The following C11orf97 variants were observed in gnomAD, a reference collection of about 807,000 sequenced individuals.
C11orf97 encodes the protein uncharacterized protein C11orf97.
In C11orf97, 15 loss-of-function variants were observed where a neutral mutation model predicts 16.2. That is an observed-to-expected ratio of 0.93 (90% CI 0.62 to 1.43). The LOEUF (loss-of-function observed/expected upper bound fraction) is 1.43, where lower values mean the gene tolerates loss of function less well. Ranked by LOEUF, C11orf97 falls within the 40% of genes most tolerant of loss-of-function variation. C11orf97 has a pLI of 0.00. For synonymous variants in C11orf97, 61 were observed against 65.7 expected (o/e 0.93, Z 0.34); for missense variants, 171 against 161.2 (o/e 1.06, Z -0.33).
intron 2 of C11orf97, among the ~76,000 whole-genome samples, chr11:94,519,810 AAGCC>A (rs1947643594): frequency 6.6e-6 from 1 of 152,262 alleles, no homozygotes; most frequent in African/African-American, 2.4e-5. Flanking sequence ...TCATGGCTAG[AAGCC>A]ACATACCATT....
chr11:94,519,280 G>A (rs1287421517), intron 2 of C11orf97, among the ~76,000 whole-genome samples: 1 of 152,186 alleles, frequency 6.6e-6, no homozygotes, highest in Non-Finnish European at 1.5e-5. Flanking sequence ...TATAAAAGGA[G>A]AGACCAATAA....
intron 2 of C11orf97, among the ~76,000 whole-genome samples, chr11:94,522,000 C>T (rs1434650606): frequency 1.3e-5 from 2 of 152,202 alleles, no homozygotes; most frequent in Non-Finnish European, 2.9e-5. Flanking sequence ...TCTCGCTCTA[C>T]TTCTTTCTCA....
At chr11:94,519,405 T>G (rs1193575784) in intron 2 of C11orf97, among the ~76,000 whole-genome samples, 1 of 151,696 alleles carries the variant, frequency 6.6e-6, no homozygotes, top group Non-Finnish European at 1.5e-5. Flanking sequence ...CCCGCCTACA[T>G]GTACTATTTT....
intron 1 of C11orf97, among the ~76,000 whole-genome samples, chr11:94,514,232 A>C (rs1565251387): frequency 7.1e-6 from 1 of 141,786 alleles, no homozygotes; most frequent in Non-Finnish European, 1.6e-5. Context: ...TAACATATTG[A>C]GTCTTTATTA....
intron 3 of C11orf97, among the ~76,000 whole-genome samples, chr11:94,529,763 A>C (rs916243768): frequency 6.6e-6 from 1 of 152,210 alleles, no homozygotes; most frequent in Non-Finnish European, 1.5e-5. Flanking sequence ...GTTGCGGTTA[A>C]ATAGGTACAA....
intron 3 of C11orf97, among the ~76,000 whole-genome samples, chr11:94,529,448 A>G (rs986913165): frequency 1.1e-4 from 16 of 152,236 alleles, no homozygotes; most frequent in Middle Eastern, 3.2e-3. Context: ...TTTAATGATA[A>G]TAAAGTAGTA....
chr11:94,520,969 C>A (rs992585373), intron 2 of C11orf97, among the ~76,000 whole-genome samples: 13 of 152,160 alleles, frequency 8.5e-5, no homozygotes, highest in African/African-American at 2.7e-4. Context: ...CTGATCTCAT[C>A]TCCTATACTT....
chr11:94,522,786 G>A (rs1315117604), intron 2 of C11orf97, among the ~76,000 whole-genome samples: 1 of 152,048 alleles, frequency 6.6e-6, no homozygotes, highest in African/African-American at 2.4e-5. Context: ...TATTTGCCCC[G>A]CAGTATATTT....
rs1423022303 is a variant in C11orf97 at position 94,512,473 on chromosome 11, C to G, written c.-56C>G. 1 of 1,257,950 alleles carries G rather than the reference C, an allele frequency of 7.9e-7. No individual in the cohort carries two copies. Among genetic ancestry groups the G allele is most frequent in the Admixed American group, 4.2e-5 (1 of 24,010 alleles). 77.9% of individuals were successfully genotyped at this position (1,257,950 alleles called of 1,614,324 possible). A position where few individuals can be genotyped will look rare whatever the true frequency, so the allele number is the denominator to read the frequency against. Reference sequence around the variant, plus strand: ...CGAGACGCCTCGCATGCTGGGCTGCCTGCGACTGAGCTGAGAAGGAAACCG... The same window carrying G: ...CGAGACGCCTCGCATGCTGGGCTGCGTGCGACTGAGCTGAGAAGGAAACCG... On this transcript the variant is annotated 5_prime_UTR_variant, in exon 1 of 4. Transcript: ENST00000542198.
In C11orf97 at chr11:94,517,637, A is replaced by T; in HGVS notation, c.200A>T (p.Glu67Val). ...AAGAGAATTAAGGAAGTACTGGAAG[A>T]AGAACGTCATATTAAGAGAGATGAA... ...PHKRIKEVLEEERHIKRDECH... is the reference protein window; with the variant it reads ...PHKRIKEVLEVERHIKRDECH... Residue 67 changes from glutamate to valine, a missense_variant, in exon 2 of 4, where the codon GAA becomes GTA. Physicochemically the swap from Glu to Val is moderately radical, Grantham distance 121. Transcript: ENST00000542198. The T allele has an allele frequency of 1.3e-6, 2 of 1,533,534 alleles. No homozygotes were observed. Among genetic ancestry groups the T allele is most frequent in the African/African-American group, 2.7e-5 (2 of 73,082 alleles). 95.0% of individuals were successfully genotyped at this position (1,533,534 alleles called of 1,614,324 possible).
chr11:94,512,551 TG>T lies in C11orf97; in HGVS notation c.25del (p.Val9Ter). 1 of 1,310,628 alleles carries T rather than the reference TG, an allele frequency of 7.6e-7. No individual in the cohort carries two copies. The highest frequency in any genetic ancestry group is 9.7e-7 in the Non-Finnish European group (1 of 1,028,858). 81.2% of individuals were successfully genotyped at this position (1,310,628 alleles called of 1,614,324 possible). MTGEEAV[V>X]VTAVVAPKAG... ...GGCATGACAGGCGAGGAGGCGGTGG[TG>T]GTGACCGCAGTGGTGGCGCCCAAGG... On this transcript the variant is annotated frameshift_variant, in exon 1 of 4. Coordinates refer to ENST00000542198, the MANE Select transcript of C11orf97 (RefSeq NM_001190462.2). LOFTEE classifies it high-confidence loss of function.
chr11:94,518,020 G>A (rs1947625196), intron 2 of C11orf97, among the ~76,000 whole-genome samples: 1 of 151,956 alleles, frequency 6.6e-6, no homozygotes, highest in Admixed American at 6.6e-5. Context: ...ATGGTGGCGG[G>A]CACCTGTAGT....
chr11:94,513,314 A>G (rs562893667), intron 1 of C11orf97, among the ~76,000 whole-genome samples: 1 of 152,356 alleles, frequency 6.6e-6, no homozygotes, highest in South Asian at 2.1e-4. Flanking sequence ...GCCCACAGCC[A>G]TAATGGAAGT....
At chr11:94,520,835 A>G (rs1352282702) in intron 2 of C11orf97, among the ~76,000 whole-genome samples, 2 of 152,186 alleles carry the variant, frequency 1.3e-5, no homozygotes, top group Non-Finnish European at 2.9e-5. Context: ...AATTCTCTGC[A>G]CTGAAACCGG....
intron 2 of C11orf97, 66 bp downstream of exon 2, chr11:94,517,753 G>A (rs949149831): frequency 9.3e-7 from 1 of 1,070,594 alleles, no homozygotes; most frequent in Non-Finnish European, 1.3e-6. Context: ...TGATGACAGA[G>A]TATTTTATTA....
chr11:94,521,359 G>T (rs1947656071), intron 2 of C11orf97, among the ~76,000 whole-genome samples: 1 of 152,202 alleles, frequency 6.6e-6, no homozygotes, highest in Non-Finnish European at 1.5e-5. Context: ...CTTTTCCTGG[G>T]CTAGCGATCT....
rs1463214837 is a variant in C11orf97, at chr11:94,528,071, A to G, written c.251-13A>G. On this transcript the variant is annotated splice_polypyrimidine_tract_variant and intron_variant, in intron 2 of 3. Coordinates refer to ENST00000542198, the MANE Select transcript of C11orf97 (RefSeq NM_001190462.2). ...GCTAATAATTATTTTCTTGCCTTAA[A>G]AAATATTGACAGTGGCCCTGGAAGG... The G allele has an allele frequency of 6.6e-7, 1 of 1,517,896 alleles. No homozygotes were observed. The highest frequency in any genetic ancestry group is 8.8e-7 in the Non-Finnish European group (1 of 1,139,772). 94.0% of individuals were successfully genotyped at this position (1,517,896 alleles called of 1,614,324 possible). A position where few individuals can be genotyped will look rare whatever the true frequency, so the allele number is the denominator to read the frequency against.
chr11:94,512,891 G>C (rs950045465), intron 1 of C11orf97, among the ~76,000 whole-genome samples: 9 of 152,014 alleles, frequency 5.9e-5, no homozygotes, highest in Non-Finnish European at 1.0e-4. Flanking sequence ...CTGAATTCAG[G>C]GTCTGGGCAT....
In C11orf97 at chr11:94,512,800, C is replaced by T. The variant is rs556895175; in HGVS notation, c.145+127C>T. 764 of 1,038,864 alleles carry T rather than the reference C, an allele frequency of 7.4e-4. 8 individuals are homozygous for T. The highest frequency in any genetic ancestry group is 1.3e-4 in the Non-Finnish European group (102 of 812,318). 64.4% of individuals were successfully genotyped at this position (1,038,864 alleles called of 1,614,324 possible). A position where few individuals can be genotyped will look rare whatever the true frequency, so the allele number is the denominator to read the frequency against. On this transcript the variant is annotated intron_variant, in intron 1 of 3. Coordinates refer to ENST00000542198, the MANE Select transcript of C11orf97 (RefSeq NM_001190462.2). ...TGGGGCAGGGGAGGTGGAGCTGCTG[C>T]TTTTGGCAGAACCAGAGATGATGGC...
Sources: gnomAD v4.1 joint callset for allele counts (sites outside exome capture counted in the v4.1 genomes callset) on GRCh38, gnomAD v4.1.1 for gene constraint, MANE v1.5 for transcripts, NCBI Gene and HGNC (gene_info 2026-07-23, HGNC 2026-07-21) for gene names.